The following CFTR variants were observed in gnomAD, a reference collection of about 807,000 sequenced individuals.
The protein encoded by CFTR is cystic fibrosis transmembrane conductance regulator.
A neutral mutation model predicts 171.6 loss-of-function variants in CFTR; 181 were observed. The observed-to-expected ratio is 1.05, with a 90% confidence interval of 0.93 to 1.19. The LOEUF (loss-of-function observed/expected upper bound fraction) is 1.19. Ranked by LOEUF, CFTR falls within the 50% of genes most tolerant of loss-of-function variation. CFTR has a pLI of 0.00. For missense variants in CFTR, 1,968 were observed against 1,734.7 expected, an observed-to-expected ratio of 1.13 and a Z score of -2.39; for synonymous variants, 583 against 608.0, an observed-to-expected ratio of 0.96 and a Z score of 0.60.
intron 22 of CFTR, among the ~76,000 whole-genome samples, chr7:117,632,114 C>T (rs996366397): frequency 6.6e-6 from 1 of 152,128 alleles, no homozygotes; most frequent in Non-Finnish European, 1.5e-5. Flanking sequence ...GAACCAGCAT[C>T]ACCTGTACCA....
rs1273165074 is a variant in CFTR, at chr7:117,592,089, GCTC to G, written c.1923_1925del (p.Ser641_Ser642delinsArg). On this transcript the variant is annotated inframe_deletion, in exon 14 of 27. Coordinates refer to ENST00000003084, the MANE Select transcript of CFTR (RefSeq NM_000492.4). ...CTCCAAAATCTACAGCCAGACTTTAGCTCAAAACTCATGGGATGTGATTCTTTC... is the reference window on the plus strand; with the variant it reads ...CTCCAAAATCTACAGCCAGACTTTAGAAAACTCATGGGATGTGATTCTTTC... 6.2e-7 allele frequency: 1 copy of G among 1,613,740 alleles called. No individual in the cohort carries two copies. Among genetic ancestry groups the G allele is most frequent in the Admixed American group, 1.7e-5 (1 of 59,980 alleles).
intron 1 of CFTR, among the ~76,000 whole-genome samples, chr7:117,492,809 A>T (rs908977300): frequency 6.6e-6 from 1 of 152,060 alleles, no homozygotes; most frequent in Non-Finnish European, 1.5e-5. Context: ...ACCATGGGGA[A>T]TTAATCTAGA....
rs565971160 is a variant in CFTR, at chr7:117,606,722, T to C, written c.2957T>C (p.Leu986Pro). ...FSKDIAILDD[L>P]LPLTIFDFIQ... ...AAAGATATAGCAATTTTGGATGACC[T>C]TCTGCCTCTTACCATATTTGACTTC... is the stretch of plus-strand genomic sequence containing the variant. The change falls in exon 18 of 27, where the codon CTT becomes CCT. Residue 986 changes from leucine to proline, a missense_variant. Leu to Pro is a moderately conservative substitution (Grantham distance 98, BLOSUM62 -3). Transcript: ENST00000003084. 51 of 1,591,194 alleles carry C rather than the reference T, an allele frequency of 3.2e-5. 3 individuals carry two copies. The highest frequency in any genetic ancestry group is 3.3e-4 in the Middle Eastern group (2 of 6,006).
intron 17 of CFTR, chr7:117,604,735 A>G (rs1792277830): frequency 6.6e-6 from 1 of 152,202 alleles, no homozygotes; most frequent in Non-Finnish European, 1.5e-5. Context: ...GCATTTGCAT[A>G]TACTCATCAC....
rs1554382664 is a variant in CFTR at position 117,548,800 on chromosome 7, G to T, written c.1369G>T (p.Ala457Ser). Residue 457 changes from alanine to serine, a missense_variant, in exon 10 of 27, where the codon GCT (alanine) becomes TCT (serine). Physicochemically the swap from Ala to Ser is moderately conservative, Grantham distance 99. Transcript: ENST00000003084. ...AGAAAGAGGACAGTTGTTGGCGGTT[G>T]CTGGATCCACTGGAGCAGGCAAGGT... Reference protein sequence around the residue: ...KIERGQLLAVAGSTGAGKTSL... With the variant: ...KIERGQLLAVSGSTGAGKTSL... 1 of 1,610,918 alleles carries T rather than the reference G, an allele frequency of 6.2e-7. No homozygotes were observed. The highest frequency in any genetic ancestry group is 1.3e-5 in the African/African-American group (1 of 74,944).
chr7:117,518,569 C>T (rs1584780181), intron 3 of CFTR, among the ~76,000 whole-genome samples: 2 of 142,100 alleles, frequency 1.4e-5, no homozygotes, highest in Middle Eastern at 7.3e-3. Context: ...TATATAAAAA[C>T]ATATATATAT....
intron 15 of CFTR, among the ~76,000 whole-genome samples, chr7:117,600,946 G>A (rs1298658229): frequency 2.6e-5 from 4 of 151,986 alleles, no homozygotes; most frequent in African/African-American, 4.8e-5. Context: ...CTCAATAGAA[G>A]CAGTTTAGGT....
chr7:117,486,083 T>G (rs372973831), intron 1 of CFTR, among the ~76,000 whole-genome samples: 1 of 152,178 alleles, frequency 6.6e-6, no homozygotes, highest in East Asian at 1.9e-4. Context: ...AGTTTTCTTG[T>G]GTCCCTTCTG....
intron 18 of CFTR, among the ~76,000 whole-genome samples, chr7:117,608,269 A>G (rs1402161140): frequency 2.0e-5 from 3 of 152,026 alleles, no homozygotes; most frequent in Non-Finnish European, 2.9e-5. Context: ...CAGTGATGCA[A>G]TCTTGGCTGA....
At chr7:117,597,173 A>G (rs1475825326) in intron 15 of CFTR, among the ~76,000 whole-genome samples, 1 of 152,222 alleles carries the variant, frequency 6.6e-6, no homozygotes, top group Non-Finnish European at 1.5e-5. Flanking sequence ...CATTGCGTTT[A>G]TGAGCTGTGA....
intron 11 of CFTR, among the ~76,000 whole-genome samples, chr7:117,569,260 T>C (rs1301917987): frequency 6.6e-6 from 1 of 151,892 alleles, no homozygotes; most frequent in South Asian, 2.1e-4. Context: ...AGGAGGAGAC[T>C]AAGAGCCAGG....
chr7:117,575,034 T>TCAATA (rs1386130654), intron 11 of CFTR, among the ~76,000 whole-genome samples: 2 of 152,154 alleles, frequency 1.3e-5, no homozygotes, highest in Non-Finnish European at 2.9e-5. Context: ...AGGATTTTAC[T>TCAATA]CAATACTGCA....
rs1800114 is a variant in CFTR, at chr7:117,611,641, C to T, written c.3200C>T (p.Ala1067Val). The change falls in exon 20 of 27, where the codon GCC becomes GTC. Residue 1067 changes from alanine to valine, a missense_variant. Ala to Val is a moderately conservative substitution (Grantham distance 64, BLOSUM62 0). Transcript: ENST00000003084. ...TTAAAAGGACTATGGACACTTCGTG[C>T]CTTCGGACGGCAGCCTTACTTTGAA... ...TSLKGLWTLR[A>V]FGRQPYFETL... 7.5e-5 allele frequency: 121 copies of T among 1,613,382 alleles called. No homozygotes were observed. Among genetic ancestry groups the T allele is most frequent in the Non-Finnish European group, 9.9e-5 (117 of 1,179,720 alleles).
intron 17 of CFTR, among the ~76,000 whole-genome samples, chr7:117,604,463 G>A (rs990154480): frequency 1.3e-5 from 2 of 152,144 alleles, no homozygotes; most frequent in Admixed American, 6.5e-5. Flanking sequence ...CACTTTCTCT[G>A]TTGAGGCATT....
At chr7:117,636,844 G>A (rs184603977) in intron 22 of CFTR, among the ~76,000 whole-genome samples, 56 of 150,288 alleles carry the variant, frequency 3.7e-4, no homozygotes, top group Admixed American at 1.8e-3. Flanking sequence ...TTTTGAGGTG[G>A]AGTCTCACTG....
intron 10 of CFTR, among the ~76,000 whole-genome samples, chr7:117,552,581 GA>G (rs1799290954): frequency 6.6e-6 from 1 of 151,960 alleles, no homozygotes; most frequent in South Asian, 2.1e-4. Context: ...ATAAAAAGTT[GA>G]AAATTATTCC....
chr7:117,599,520 G>A (rs996887330), intron 15 of CFTR, among the ~76,000 whole-genome samples: 2 of 152,132 alleles, frequency 1.3e-5, no homozygotes, highest in East Asian at 3.9e-4. Context: ...TTATTGAACT[G>A]TCACAATTAT....
intron 7 of CFTR, among the ~76,000 whole-genome samples, chr7:117,537,006 G>A (rs926878271): frequency 2.6e-5 from 4 of 152,094 alleles, no homozygotes; most frequent in African/African-American, 9.7e-5. Context: ...AACTCACATG[G>A]AACTGGGAGA....
chr7:117,509,008 T>C, intron 2 of CFTR, 26 bp from the exon 3 acceptor site: 1 of 1,365,096 alleles, frequency 7.3e-7, no homozygotes, highest in Non-Finnish European at 1.0e-6. Flanking sequence ...TGCAACTTAT[T>C]GGTCCCACTT....
Sources: gnomAD v4.1 joint callset for allele counts (sites outside exome capture counted in the v4.1 genomes callset) on GRCh38, gnomAD v4.1.1 for gene constraint, MANE v1.5 for transcripts, NCBI Gene and HGNC (gene_info 2026-07-23, HGNC 2026-07-21) for gene names.